Variants in CSN1S1 observed in about 807,000 individuals in gnomAD.
The protein encoded by CSN1S1 is casein alpha s1.
CSN1S1 carries 63 observed loss-of-function variants against 49.1 expected under a neutral mutation model. The observed-to-expected ratio is 1.28, with a 90% CI of 1.05 to 1.58. The LOEUF (loss-of-function observed/expected upper bound fraction) is 1.58. Among genes scored for constraint, CSN1S1 ranks in the 40% most tolerant of loss-of-function variants. CSN1S1 has a pLI of 0.00. For missense variants in CSN1S1, 260 were observed against 224.7 expected (o/e 1.16, Z -1.01); for synonymous variants, 78 against 67.1 (o/e 1.16, Z -0.79).
chr4:69,937,841 T>G lies in CSN1S1; in HGVS notation c.243+18T>G. The G allele has an allele frequency of 1.9e-6, 3 of 1,575,856 alleles. No individual in the cohort carries two copies. Among genetic ancestry groups the G allele is most frequent in the South Asian group, 2.4e-5 (2 of 84,544 alleles). On this transcript the variant is annotated intron_variant, in intron 9 of 15. Transcript: ENST00000246891. ...AGCCTGAGGTAAGACCCATTCATTCTAGTGAACTCTACACTTACGTATCAA... is the reference window on the plus strand; with the variant it reads ...AGCCTGAGGTAAGACCCATTCATTCGAGTGAACTCTACACTTACGTATCAA...
intron 8 of CSN1S1, among the ~76,000 whole-genome samples, 199 bp downstream of exon 8, chr4:69,937,343 G>T (rs1455153627): frequency 6.7e-6 from 1 of 149,192 alleles, no homozygotes. Flanking sequence ...TATGGATAAT[G>T]TCACTGATCT....
chr4:69,942,213 A>G (rs1722992237), intron 13 of CSN1S1, 150 bp downstream of exon 13: 2 of 559,766 alleles, frequency 3.6e-6, no homozygotes, highest in Non-Finnish European at 6.1e-6. Context: ...GTCACAAAAG[A>G]CAAAATTTAA....
chr4:69,934,562 T>C (rs546382184), intron 3 of CSN1S1, 128 bp from the exon 4 acceptor site: 1 of 783,694 alleles, frequency 1.3e-6, no homozygotes, highest in African/African-American at 1.8e-5. Context: ...TGATTTACAG[T>C]TTGGTCTCAT....
chr4:69,937,184 G>C, intron 8 of CSN1S1, 40 bp downstream of exon 8: 1 of 1,359,512 alleles, frequency 7.4e-7, no homozygotes. Context: ...CCAATATGAG[G>C]AAAAGAAACA....
chr4:69,936,088 T>G, intron 5 of CSN1S1, 139 bp downstream of exon 5: 1 of 688,436 alleles, frequency 1.5e-6, no homozygotes, highest in Non-Finnish European at 2.5e-6. Flanking sequence ...AAAAATATTG[T>G]TAAATGCACA....
At position 69,942,058 on chromosome 4, in the gene CSN1S1, GC is replaced by G; in HGVS notation, c.358del (p.Gln120ArgfsTer7). ...TTCTCCTCCCTAGCAAGCTGCCCATGCCCAGGTGAGATTATTTATTAAATCT... is the reference window on the plus strand; with the variant it reads ...TTCTCCTCCCTAGCAAGCTGCCCATGCCAGGTGAGATTATTTATTAAATCT... ...YNQLQLQAAH[A>X]QEQIRRMNEN... is the part of the protein sequence containing the mutation. On this transcript the variant is annotated frameshift_variant, in exon 13 of 16. Transcript: ENST00000246891. LOFTEE classifies it high-confidence loss of function. The G allele has an allele frequency of 2.1e-6, 3 of 1,459,246 alleles. No homozygotes were observed. Among genetic ancestry groups the G allele is most frequent in the Non-Finnish European group, 2.8e-6 (3 of 1,081,250 alleles). The allele number at this position is 1,459,246 out of a possible 1,614,324, so 90.4% of individuals were successfully genotyped here. A position where few individuals can be genotyped will look rare whatever the true frequency, so the allele number is the denominator to read the frequency against.
chr4:69,932,485 T>C, intron 1 of CSN1S1, 59 bp from the exon 2 acceptor site: 2 of 1,461,224 alleles, frequency 1.4e-6, no homozygotes, highest in Non-Finnish European at 1.9e-6. Context: ...AGAATTTTTT[T>C]CAGGAAACAA....
At chr4:69,938,393 C>T (rs1722868075) in intron 9 of CSN1S1, among the ~76,000 whole-genome samples, 1 of 151,440 alleles carries the variant, frequency 6.6e-6, no homozygotes, top group Non-Finnish European at 1.5e-5. Flanking sequence ...AGCGTAATGG[C>T]AAAAACCTCA....
intron 11 of CSN1S1, among the ~76,000 whole-genome samples, 155 bp downstream of exon 11, chr4:69,940,199 T>G (rs1722931486): frequency 2.0e-5 from 3 of 151,334 alleles, no homozygotes; most frequent in Admixed American, 2.0e-4. Flanking sequence ...CATTAAAGTT[T>G]TATCAAAGGC....
chr4:69,937,179 A>G lies in CSN1S1; in HGVS notation c.219+35A>G, dbSNP rs553985444. ...TTTGTTTTAAAATTATTAAACCAAT[A>G]TGAGGAAAAGAAACAATACATATTT... On this transcript the variant is annotated intron_variant, in intron 8 of 15. Transcript: ENST00000246891. 4 of 1,430,222 alleles carry G rather than the reference A, an allele frequency of 2.8e-6. No homozygotes were observed. In the South Asian group the frequency reaches 5.4e-5, roughly 19 times the overall value. The allele number at this position is 1,430,222 out of a possible 1,614,324, so 88.6% of individuals were successfully genotyped here. A position where few individuals can be genotyped will look rare whatever the true frequency, so the allele number is the denominator to read the frequency against.
chr4:69,943,708 T>C (rs12503280), intron 14 of CSN1S1, among the ~76,000 whole-genome samples: 31,013 of 151,918 alleles, frequency 0.2, 3,938 homozygotes, highest in South Asian at 0.33. Flanking sequence ...AAGTCCAAGA[T>C]TGAGAGGCCA....
At chr4:69,944,144 AT>A (rs1723073640) in intron 14 of CSN1S1, among the ~76,000 whole-genome samples, 1 of 151,998 alleles carries the variant, frequency 6.6e-6, no homozygotes, top group African/African-American at 2.4e-5. Flanking sequence ...CCACAGCAAC[AT>A]TTTAAATGCT....
chr4:69,939,878 T>C, intron 10 of CSN1S1, 143 bp from the exon 11 acceptor site: 1 of 533,992 alleles, frequency 1.9e-6, no homozygotes, highest in Non-Finnish European at 3.4e-6. Context: ...AAATTATTAA[T>C]CTTGTCTCAG....
chr4:69,938,028 T>C (rs1439498845), intron 9 of CSN1S1, among the ~76,000 whole-genome samples: 2 of 151,908 alleles, frequency 1.3e-5, no homozygotes, highest in Non-Finnish European at 2.9e-5. Context: ...CTCAAGAATG[T>C]ACAATGTTGT....
intron 8 of CSN1S1, 67 bp downstream of exon 8, chr4:69,937,211 A>G: frequency 9.1e-7 from 1 of 1,103,474 alleles, no homozygotes; most frequent in Non-Finnish European, 1.3e-6. Flanking sequence ...ATTTCCCCAA[A>G]TAAATTATTA....
Position 69,932,606 on chromosome 4 carries a change from T to C in CSN1S1, c.51T>C (p.Pro17=), listed in dbSNP as rs1722643926. 3 of 1,594,914 alleles carry C rather than the reference T, an allele frequency of 1.9e-6. No homozygotes were observed. Among genetic ancestry groups the C allele is most frequent in the Non-Finnish European group, 2.6e-6 (3 of 1,168,694 alleles). ...TCLVAVALAR[P]KLPLRYPERL... The stretch of plus-strand genomic sequence containing the variant: ...TTGTGGCTGTTGCTCTTGCCAGGCC[T>C]GTAAGTTCAGTAGAGAATTTAGAAA... The change falls in exon 2 of 16, where the codon CCT becomes CCC. Residue 17 remains proline (P), a splice_region_variant and synonymous_variant. Coordinates refer to ENST00000246891, the MANE Select transcript of CSN1S1 (RefSeq NM_001890.2).
chr4:69,933,464 G>T (rs1722672582), intron 2 of CSN1S1, among the ~76,000 whole-genome samples: 1 of 151,926 alleles, frequency 6.6e-6, no homozygotes, highest in Non-Finnish European at 1.5e-5. Context: ...TGCAGAATCA[G>T]GAATTGTCAA....
rs778241507 is a variant in CSN1S1 at position 69,936,569 on chromosome 4, A to G, written c.157A>G (p.Arg53Gly). 2.5e-6 allele frequency: 4 copies of G among 1,606,388 alleles called. No homozygotes were observed. The highest frequency in any genetic ancestry group is 1.7e-6 in the Non-Finnish European group (2 of 1,175,938). Residue 53 changes from arginine to glycine, a missense_variant, in exon 7 of 16, where the codon AGA (arginine) becomes GGA (glycine). Coordinates refer to ENST00000246891, the MANE Select transcript of CSN1S1 (RefSeq NM_001890.2). ...AGGTACACTTTATTGATTTTAGCAG[A>G]GAAACATTCTGAGAGAAAAACAGAC... ...EEYMNGMNRQ[R>G]NILREKQTDE...
intron 15 of CSN1S1, 108 bp from the exon 16 acceptor site, chr4:69,946,088 T>C (rs1237375): frequency 0.55 from 189,882 of 347,518 alleles, 53,855 homozygotes; most frequent in East Asian, 0.64. Context: ...CATTGTGAGC[T>C]TGTCTAATAC....
Sources: gnomAD v4.1 joint callset for allele counts (sites outside exome capture counted in the v4.1 genomes callset) on GRCh38, gnomAD v4.1.1 for gene constraint, MANE v1.5 for transcripts, NCBI Gene and HGNC (gene_info 2026-07-23, HGNC 2026-07-21) for gene names.